Variants in HECTD4 observed in about 807,000 individuals in gnomAD.
The protein encoded by HECTD4 is probable E3 ubiquitin-protein ligase HECTD4.
In HECTD4, 114 loss-of-function variants were observed where a neutral mutation model predicts 471.5. The ratio of observed to expected loss-of-function variants is 0.24; its 90% CI spans 0.21 to 0.28. HECTD4 has a LOEUF of 0.28. Ranked by LOEUF, HECTD4 falls within the 10% of genes least tolerant of loss-of-function variation. The probability of loss-of-function intolerance (pLI) is 1.00; values close to 1 mark genes in which losing one functional copy is unlikely to be tolerated. For missense variants in HECTD4, 3,866 were observed against 5,651.5 expected (o/e 0.68, Z 10.13); for synonymous variants, 2,012 against 2,256.0 (o/e 0.89, Z 3.07).
intron 2 of HECTD4, among the ~76,000 whole-genome samples, chr12:112,317,312 C>T (rs1432058697): frequency 6.6e-6 from 1 of 152,122 alleles, no homozygotes; most frequent in Admixed American, 6.5e-5. Context: ...ACAGCTTGCT[C>T]AGAGCAAAGA....
intron 48 of HECTD4, 129 bp downstream of exon 48, chr12:112,216,163 G>T (rs552814838): frequency 7.6e-6 from 5 of 656,400 alleles, no homozygotes; most frequent in African/African-American, 1.8e-5. Context: ...CAGCAAGGAC[G>T]TGTTTGGTTT....
intron 7 of HECTD4, among the ~76,000 whole-genome samples, chr12:112,287,828 G>A (rs2034789126): frequency 2.0e-5 from 3 of 152,120 alleles, no homozygotes; most frequent in Admixed American, 2.0e-4. Context: ...GCCAAATCAG[G>A]CAGAAAGATT....
chr12:112,189,388 T>TA (rs2031995777), intron 60 of HECTD4, among the ~76,000 whole-genome samples: 1 of 151,324 alleles, frequency 6.6e-6, no homozygotes, highest in Non-Finnish European at 1.5e-5. Context: ...CTGTCTCTAC[T>TA]AAAAATACAA....
Position 112,183,404 on chromosome 12 carries a change from C to A in HECTD4, c.10780-138G>T, listed in dbSNP as rs935906747. ...GTGAAAGCTGCCCTACTCTGGTGAGCTGGACCTCCTGGGAAACTTTCTCCC... is the reference window on the plus strand; with the variant it reads ...GTGAAAGCTGCCCTACTCTGGTGAGATGGACCTCCTGGGAAACTTTCTCCC... On this transcript the variant is annotated intron_variant, in intron 61 of 75. Transcript: ENST00000682272. The A allele has an allele frequency of 4.4e-6, 3 of 685,694 alleles. No homozygotes were observed. The African/African-American group carries it at 5.3e-5, about 12-fold the overall frequency. The allele number at this position is 685,694 out of a possible 1,614,324, so 42.5% of individuals were successfully genotyped here. A position where few individuals can be genotyped will look rare whatever the true frequency, so the allele number is the denominator to read the frequency against.
chr12:112,339,580 A>G (rs1293992445), intron 1 of HECTD4, among the ~76,000 whole-genome samples: 1 of 152,030 alleles, frequency 6.6e-6, no homozygotes, highest in Non-Finnish European at 1.5e-5. Flanking sequence ...CAGGAAAATA[A>G]GGGGTGTGTG....
Position 112,160,579 on chromosome 12 carries a change from T to C in HECTD4, c.*1808A>G, listed in dbSNP as rs1359760952. 6.6e-6 allele frequency: 1 copy of C among 152,178 alleles called. No homozygotes were observed. Among genetic ancestry groups the C allele is most frequent in the Non-Finnish European group, 1.5e-5 (1 of 68,042 alleles). 9.4% of individuals were successfully genotyped at this position (152,178 alleles called of 1,614,324 possible). A position where few individuals can be genotyped will look rare whatever the true frequency, so the allele number is the denominator to read the frequency against. ...TACAGCTTGTCATCTACTCAAGTGA[T>C]GGCCAACAGAAGCTTCTGAACTCCT... On this transcript the variant is annotated 3_prime_UTR_variant, in exon 76 of 76. Transcript: ENST00000682272.
In HECTD4 at chr12:112,319,222, T is replaced by C. The variant is rs1018371076; in HGVS notation, c.695+3A>G. 1.3e-6 allele frequency: 2 copies of C among 1,535,872 alleles called. No homozygotes were observed. The highest frequency in any genetic ancestry group is 1.7e-6 in the Non-Finnish European group (2 of 1,146,802). ...ACCAAATGATACATTCGATTTTCCT[T>C]ACCTGGCACAAGCCAAAGCCACCAG... On this transcript the variant is annotated splice_donor_region_variant and intron_variant, in intron 2 of 75. Transcript: ENST00000682272. The surrounding 1 kb of genome is among the most constrained non-coding windows in gnomAD (Gnocchi z 5.3).
intron 17 of HECTD4, among the ~76,000 whole-genome samples, chr12:112,262,374 T>C (rs1211113479): frequency 6.6e-6 from 1 of 151,240 alleles, no homozygotes; most frequent in Non-Finnish European, 1.5e-5. Context: ...AGCTGGGCAT[T>C]ACAGATGGGC....
At chr12:112,170,257 T>C in intron 69 of HECTD4, 76 bp downstream of exon 69, 12 of 1,553,230 alleles carry the variant, frequency 7.7e-6, no homozygotes, top group Non-Finnish European at 1.0e-5. Flanking sequence ...GACCCCCTTC[T>C]TTTATGTTCC....
rs376906890 is a variant in HECTD4 at position 112,167,494 on chromosome 12, C to T, written c.12357G>A (p.Glu4119=). ...LTPSPITYGE[E]QLLHFLGQLL... is the part of the protein sequence containing the mutation. ...GCTGCCCCAGGAAGTGCAGCAGCTG[C>T]TCCTCCCCGTAGGTGATGGGGCTCG... is the stretch of plus-strand genomic sequence containing the variant. The change falls in exon 72 of 76, where the codon GAG becomes GAA. Residue 4119 remains glutamate, a synonymous_variant. Coordinates refer to ENST00000682272, the MANE Select transcript of HECTD4 (RefSeq NM_001388303.1). 3,910 of 1,610,316 alleles carry T rather than the reference C, an allele frequency of 2.4e-3. 111 individuals carry two copies. In the South Asian group the frequency reaches 0.041, roughly 17 times the overall value.
At chr12:112,164,051 A>T in intron 73 of HECTD4, 58 bp downstream of exon 73, 1 of 1,370,614 alleles carries the variant, frequency 7.3e-7, no homozygotes, top group Non-Finnish European at 9.5e-7. Context: ...CTGCTGTCAT[A>T]CCCTGGCTGG....
chr12:112,323,849 C>T (rs1333402548), intron 1 of HECTD4, among the ~76,000 whole-genome samples: 1 of 151,548 alleles, frequency 6.6e-6, no homozygotes, highest in East Asian at 1.9e-4. Context: ...AAAATTCCAA[C>T]CAGACTATAG....
intron 13 of HECTD4, among the ~76,000 whole-genome samples, chr12:112,268,801 C>T (rs200790213): frequency 7.2e-6 from 1 of 138,160 alleles, no homozygotes; most frequent in African/African-American, 2.7e-5. Flanking sequence ...AAAAAACAAA[C>T]CAAAAAAAAA....
chr12:112,363,293 A>G (rs899121027), intron 1 of HECTD4, among the ~76,000 whole-genome samples: 42 of 151,432 alleles, frequency 2.8e-4, no homozygotes, highest in African/African-American at 9.4e-4. Flanking sequence ...CTTATATATA[A>G]AGATGAGGTC....
chr12:112,252,387 G>A, intron 23 of HECTD4, 37 bp downstream of exon 23: 1 of 1,555,448 alleles, frequency 6.4e-7, no homozygotes, highest in Non-Finnish European at 8.7e-7. Context: ...ATAGCAGATA[G>A]TACATTTTGT....
chr12:112,323,370 T>C (rs2035623835), intron 1 of HECTD4, among the ~76,000 whole-genome samples: 1 of 152,084 alleles, frequency 6.6e-6, no homozygotes, highest in Non-Finnish European at 1.5e-5. Flanking sequence ...ACTATAAGTA[T>C]CTCAGTTAAC....
chr12:112,219,542 G>A (rs1273037163), intron 44 of HECTD4, 53 bp from the exon 45 acceptor site: 22 of 1,248,334 alleles, frequency 1.8e-5, no homozygotes, highest in Non-Finnish European at 2.3e-5. Flanking sequence ...ACTCCCAAGT[G>A]GGTGCTGACT....
intron 52 of HECTD4, among the ~76,000 whole-genome samples, chr12:112,206,533 C>CTTTTTTTT (rs60701313): frequency 9.0e-6 from 1 of 111,486 alleles, no homozygotes. Flanking sequence ...ATAGAATCTG[C>CTTTTTTTT]TTTTTTTTTT....
In HECTD4 at chr12:112,170,787, GGA is replaced by G. The variant is rs1377769504; in HGVS notation, c.11932+328_11932+329del. On this transcript the variant is annotated intron_variant, in intron 68 of 75. Transcript: ENST00000682272. Reference sequence around the variant, plus strand: ...TATATGTCAAGAGAAAAGTCTGGAAGGAGAGAGACTCATCTGTTAACAATGTC... The same window carrying G: ...TATATGTCAAGAGAAAAGTCTGGAAGGAGAGACTCATCTGTTAACAATGTC... The G allele has an allele frequency of 8.9e-6, 4 of 448,366 alleles. No homozygotes were observed. The East Asian group carries it at 1.5e-4, about 17-fold the overall frequency. The allele number at this position is 448,366 out of a possible 1,614,324, so 27.8% of individuals were successfully genotyped here. A position where few individuals can be genotyped will look rare whatever the true frequency, so the allele number is the denominator to read the frequency against.
Sources: gnomAD v4.1 joint callset for allele counts (sites outside exome capture counted in the v4.1 genomes callset) on GRCh38, gnomAD v4.1.1 for gene constraint, Gnocchi (gnomAD v3.1) non-coding constraint, MANE v1.5 for transcripts, NCBI Gene and HGNC (gene_info 2026-07-23, HGNC 2026-07-21) for gene names.